RXRA: variants seen among roughly 807,000 people sequenced by gnomAD.
The protein encoded by RXRA is retinoid X receptor alpha.
RXRA carries 5 observed loss-of-function variants against 44.5 expected under a neutral mutation model. The observed-to-expected ratio is 0.11, with a 90% CI of 0.06 to 0.24. The LOEUF (loss-of-function observed/expected upper bound fraction) is 0.24. RXRA is among the 10% of genes least tolerant of loss of function. The pLI, the probability that RXRA is intolerant of heterozygous loss-of-function variation, is 1.00. For missense variants in RXRA, 412 were observed against 646.5 expected (o/e 0.64, Z 3.93); for synonymous variants, 291 against 271.4 (o/e 1.07, Z -0.71).
At chr9:134,420,916 C>G (rs1831319306) in intron 5 of RXRA, among the ~76,000 whole-genome samples, 1 of 152,240 alleles carries the variant, frequency 6.6e-6, no homozygotes, top group Admixed American at 6.5e-5. Flanking sequence ...GCTGCTCTCT[C>G]TGTGCCTGGG....
rs867968406 is a variant in RXRA at position 134,407,359 on chromosome 9, C to T, written c.280-790C>T. Among the ~76,000 whole-genome samples, 7 of 152,340 alleles carry T rather than the reference C, an allele frequency of 4.6e-5. No individual in the cohort carries two copies. Among genetic ancestry groups the T allele is most frequent in the East Asian group, 1.9e-4 (1 of 5,168 alleles). On this transcript the variant is annotated intron_variant, in intron 2 of 9. Transcript: ENST00000481739. This position sits in a 1 kb window ranked among gnomAD's most constrained non-coding sequence, Gnocchi z 4.8. ...GCCTGGCCAAGCGCTTACCGCCCTGCGCAGCCAGGCTGGCTGGCAGGCTGC... is the reference window on the plus strand; with the variant it reads ...GCCTGGCCAAGCGCTTACCGCCCTGTGCAGCCAGGCTGGCTGGCAGGCTGC...
intron 1 of RXRA, among the ~76,000 whole-genome samples, chr9:134,378,976 C>A (rs1196406264): frequency 1.3e-5 from 2 of 152,226 alleles, no homozygotes; most frequent in Non-Finnish European, 2.9e-5. Flanking sequence ...GGTGGGAACA[C>A]ACGTCTCTTG....
chr9:134,416,918 C>G (rs530738711), intron 4 of RXRA, among the ~76,000 whole-genome samples: 1 of 152,222 alleles, frequency 6.6e-6, no homozygotes, highest in African/African-American at 2.4e-5. Context: ...AGGCCCCAGG[C>G]AGGCTCCTGG....
At chr9:134,429,063 C>T (rs557259550) in intron 6 of RXRA, 45 bp from the exon 7 acceptor site, 36 of 1,608,480 alleles carry the variant, frequency 2.2e-5, no homozygotes, top group East Asian at 1.6e-4. Flanking sequence ...GGGCGAGCCC[C>T]GTGGGGCCTG....
chr9:134,424,811 T>A (rs1320310095), intron 6 of RXRA: 1 of 985,340 alleles, frequency 1.0e-6, no homozygotes, highest in African/African-American at 1.7e-5. Flanking sequence ...CAGGTCAGGA[T>A]CCATGGCTGT....
At chr9:134,384,687 C>G (rs558445792) in intron 1 of RXRA, among the ~76,000 whole-genome samples, 1 of 152,152 alleles carries the variant, frequency 6.6e-6, no homozygotes, top group Non-Finnish European at 1.5e-5. Context: ...GGCCGTCACC[C>G]GGTCGGCCTG....
At chr9:134,415,951 C>A (rs1376812699) in intron 4 of RXRA, among the ~76,000 whole-genome samples, 1 of 152,182 alleles carries the variant, frequency 6.6e-6, no homozygotes, top group Non-Finnish European at 1.5e-5. Context: ...GTTTTCTCAC[C>A]GGTACAATGG....
chr9:134,328,309 C>A lies in RXRA; in HGVS notation c.28+1650C>A, dbSNP rs547311116. 1.8e-4 allele frequency among the ~76,000 whole-genome samples: 28 copies of A among 152,284 alleles called. No homozygotes were observed. In the East Asian group the frequency reaches 4.3e-3, roughly 23 times the overall value. Reference sequence around the variant, plus strand: ...CTGAGAACCGAACAGGTCCCTGTTTCTAATGCTCCGGGTGGGACAGGGATA... The same window carrying A: ...CTGAGAACCGAACAGGTCCCTGTTTATAATGCTCCGGGTGGGACAGGGATA... On this transcript the variant is annotated intron_variant, in intron 1 of 9. Coordinates refer to ENST00000481739, the MANE Select transcript of RXRA (RefSeq NM_002957.6).
intron 1 of RXRA, among the ~76,000 whole-genome samples, chr9:134,376,100 A>G (rs1435593749): frequency 6.6e-6 from 1 of 151,916 alleles, no homozygotes; most frequent in African/African-American, 2.4e-5. Context: ...TTTCCTATCA[A>G]AGTTGGGATC....
At chr9:134,334,106 G>C (rs1265666769) in intron 1 of RXRA, among the ~76,000 whole-genome samples, 5 of 152,274 alleles carry the variant, frequency 3.3e-5, no homozygotes, top group African/African-American at 1.2e-4. Flanking sequence ...GCCGTGGAGT[G>C]ATCCCACGCC....
intron 1 of RXRA, among the ~76,000 whole-genome samples, chr9:134,374,835 C>T (rs951223197): frequency 3.3e-5 from 5 of 152,216 alleles, no homozygotes; most frequent in Admixed American, 2.6e-4. Context: ...CCTTGGAACT[C>T]GGCGCCTGCC....
chr9:134,416,077 G>A (rs1191374981), intron 4 of RXRA, among the ~76,000 whole-genome samples: 2 of 152,100 alleles, frequency 1.3e-5, no homozygotes, highest in Non-Finnish European at 2.9e-5. Context: ...TCAGGGAAGG[G>A]GACGTGTCTC....
rs138461413 is a variant in RXRA at position 134,369,014 on chromosome 9, G to GT, written c.29-32618_29-32617insT. Among the ~76,000 whole-genome samples the GT allele has an allele frequency of 3.9e-3, 203 of 52,592 alleles. 2 individuals carry two copies. Among genetic ancestry groups the GT allele is most frequent in the Non-Finnish European group, 4.6e-3 (144 of 31,074 alleles). 34.5% of individuals were successfully genotyped at this position (52,592 alleles called of 152,430 possible). ...GTGCGGGGCTTGTGTGTGTGTGTGT[G>GT]GGGGGGGTTATGTGTGTGTGGGGGG... On this transcript the variant is annotated intron_variant, in intron 1 of 9. Transcript: ENST00000481739.
rs1042423271 is a variant in RXRA, at chr9:134,342,766, C to T, written c.28+16107C>T. On this transcript the variant is annotated intron_variant, in intron 1 of 9. Transcript: ENST00000481739. The surrounding 1 kb of genome is among the most constrained non-coding windows in gnomAD (Gnocchi z 4.4). ...CCTGGCCCCATAGGAGAGTGGACAG[C>T]GCCGCGGAGGAGGCTGCCTACCTGC... 2.0e-5 allele frequency among the ~76,000 whole-genome samples: 3 copies of T among 152,120 alleles called. No homozygotes were observed. Among genetic ancestry groups the T allele is most frequent in the Non-Finnish European group, 2.9e-5 (2 of 68,006 alleles).
chr9:134,376,197 T>C (rs1049281919), intron 1 of RXRA, among the ~76,000 whole-genome samples: 1 of 152,168 alleles, frequency 6.6e-6, no homozygotes, highest in Admixed American at 6.5e-5. Context: ...CCAGGCCTTC[T>C]TGTGGAGGCC....
At chr9:134,383,760 T>TA (rs1166732151) in intron 1 of RXRA, among the ~76,000 whole-genome samples, 1 of 151,912 alleles carries the variant, frequency 6.6e-6, no homozygotes, top group African/African-American at 2.4e-5. Context: ...TGAGGACGGG[T>TA]AGGTGGGCTG....
At chr9:134,418,509 T>C (rs1386327512) in intron 5 of RXRA, among the ~76,000 whole-genome samples, 1 of 152,130 alleles carries the variant, frequency 6.6e-6, no homozygotes, top group African/African-American at 2.4e-5. Context: ...CTGCCCTCCG[T>C]GCTGGGTGCG....
intron 7 of RXRA, among the ~76,000 whole-genome samples, chr9:134,431,691 G>C (rs996522112): frequency 6.6e-6 from 1 of 151,884 alleles, no homozygotes; most frequent in Non-Finnish European, 1.5e-5. Context: ...CCCACCCTCC[G>C]GGCAGGGCCA....
At chr9:134,369,345 T>G (rs1407755518) in intron 1 of RXRA, among the ~76,000 whole-genome samples, 18 of 69,884 alleles carry the variant, frequency 2.6e-4, no homozygotes, top group Non-Finnish European at 4.2e-4. Context: ...TATGTGTGTG[T>G]GAGTGCAGGG....
Sources: allele counts gnomAD v4.1 joint callset (sites outside exome capture counted in the v4.1 genomes callset), GRCh38; gene constraint gnomAD v4.1.1; non-coding constraint Gnocchi (gnomAD v3.1); transcripts MANE v1.5; gene names NCBI Gene and HGNC (gene_info 2026-07-23, HGNC 2026-07-21).